PRMT8: variants seen among roughly 807,000 people sequenced by gnomAD.
PRMT8 encodes protein arginine N-methyltransferase 8.
PRMT8 carries 7 observed loss-of-function variants against 47.1 expected under a neutral mutation model. The ratio of observed to expected loss-of-function variants is 0.15; its 90% CI spans 0.08 to 0.28. PRMT8 has a LOEUF of 0.28. Among genes scored for constraint, PRMT8 ranks in the 10% least tolerant of loss-of-function variants. The probability of loss-of-function intolerance (pLI) is 1.00; values close to 1 mark genes in which losing one functional copy is unlikely to be tolerated. For synonymous variants in PRMT8, 188 were observed against 186.5 expected, an observed-to-expected ratio of 1.01 and a Z score of -0.07; for missense variants, 237 against 505.4, an observed-to-expected ratio of 0.47 and a Z score of 5.09.
chr12:3,444,470 C>T (rs899921671), intron 1 of PRMT8, among the ~76,000 whole-genome samples: 4 of 152,186 alleles, frequency 2.6e-5, no homozygotes, highest in Non-Finnish European at 4.4e-5. Flanking sequence ...AGCTTTCCTC[C>T]GAAGTCACCC....
intron 1 of PRMT8, among the ~76,000 whole-genome samples, chr12:3,451,410 T>A (rs564781051): frequency 2.0e-5 from 3 of 152,324 alleles, no homozygotes; most frequent in Admixed American, 6.5e-5. Context: ...TCCTGCTGTT[T>A]GCAAGCACTC....
intron 4 of PRMT8, among the ~76,000 whole-genome samples, chr12:3,567,944 A>G (rs558810650): frequency 6.6e-6 from 1 of 152,072 alleles, no homozygotes; most frequent in Non-Finnish European, 1.5e-5. Context: ...GTGGTGGCAC[A>G]TGCCTGTAAT....
intron 4 of PRMT8, among the ~76,000 whole-genome samples, chr12:3,568,072 C>CAAA (rs148436679): frequency 5.8e-5 from 6 of 102,778 alleles, no homozygotes; most frequent in African/African-American, 1.7e-4. Context: ...AACTCCGTCT[C>CAAA]AAAAAAAAAA....
At chr12:3,424,917 C>T (rs1403715801) in intron 1 of PRMT8, among the ~76,000 whole-genome samples, 1 of 152,196 alleles carries the variant, frequency 6.6e-6, no homozygotes, top group African/African-American at 2.4e-5. Flanking sequence ...TTTGGCCATG[C>T]GTGGACCAGT....
At position 3,593,302 on chromosome 12, in the gene PRMT8, C is replaced by T. The variant is rs971595964; in HGVS notation, c.*120C>T. 2.4e-6 allele frequency: 2 copies of T among 850,958 alleles called. No individual in the cohort carries two copies. Among genetic ancestry groups the T allele is most frequent in the African/African-American group, 3.4e-5 (2 of 58,362 alleles). 52.7% of individuals were successfully genotyped at this position (850,958 alleles called of 1,614,324 possible). ...TTGAAAACCAGAGTTTTCAACTCTG[C>T]CTTGAAGATTGGTGAACTCCCCAGG... On this transcript the variant is annotated 3_prime_UTR_variant, in exon 10 of 10. Transcript: ENST00000382622. The surrounding 1 kb of genome is among the most constrained non-coding windows in gnomAD (Gnocchi z 4.8).
chr12:3,553,787 A>G, intron 4 of PRMT8, 73 bp downstream of exon 4: 2 of 1,389,612 alleles, frequency 1.4e-6, no homozygotes, highest in South Asian at 2.3e-5. Context: ...TTGGGATGGC[A>G]TAGCGGGAGG....
chr12:3,476,445 T>G (rs894935301), intron 1 of PRMT8, among the ~76,000 whole-genome samples: 1 of 152,072 alleles, frequency 6.6e-6, no homozygotes, highest in Non-Finnish European at 1.5e-5. Flanking sequence ...ACATAAACAG[T>G]GAACCAGGGA....
Position 3,564,616 on chromosome 12 carries a change from G to C in PRMT8, c.482-4090G>C. Among the ~76,000 whole-genome samples the C allele has an allele frequency of 6.6e-6, 1 of 152,212 alleles. No homozygotes were observed. ...TCTGTAATTTACCAGCCAGAGTCCTGTCATAGTTCGTTGAACAAACTTTCC... is the reference window on the plus strand; with the variant it reads ...TCTGTAATTTACCAGCCAGAGTCCTCTCATAGTTCGTTGAACAAACTTTCC... On this transcript the variant is annotated intron_variant, in intron 4 of 9. Transcript: ENST00000382622. This position sits in a 1 kb window ranked among gnomAD's most constrained non-coding sequence, Gnocchi z 4.0.
At chr12:3,518,510 G>A (rs1036662060) in intron 1 of PRMT8, among the ~76,000 whole-genome samples, 3 of 151,914 alleles carry the variant, frequency 2.0e-5, no homozygotes, top group African/African-American at 4.8e-5. Flanking sequence ...AATGTCAATC[G>A]TGAATATTTT....
At chr12:3,418,863 A>G (rs190002700) in intron 1 of PRMT8, among the ~76,000 whole-genome samples, 81 of 152,314 alleles carry the variant, frequency 5.3e-4, no homozygotes, top group African/African-American at 1.9e-3. Context: ...ACAGGTGTGC[A>G]GAAATGGTGA....
chr12:3,459,956 G>A (rs889164897), intron 1 of PRMT8, among the ~76,000 whole-genome samples: 11 of 152,144 alleles, frequency 7.2e-5, no homozygotes, highest in African/African-American at 1.9e-4. Flanking sequence ...ATGCCATTAC[G>A]TTCACGTCAA....
At chr12:3,546,506 G>A (rs908039209) in intron 2 of PRMT8, among the ~76,000 whole-genome samples, 1 of 152,088 alleles carries the variant, frequency 6.6e-6, no homozygotes, top group African/African-American at 2.4e-5. Context: ...ACCTCCTGAC[G>A]ATCACACAGA....
At chr12:3,541,751 T>A (rs576532158) in intron 2 of PRMT8, among the ~76,000 whole-genome samples, 1 of 152,326 alleles carries the variant, frequency 6.6e-6, no homozygotes, top group East Asian at 1.9e-4. Context: ...GCCAGCTCTT[T>A]TGTTTGTTTG....
chr12:3,386,854 C>T (rs939973573), intron 1 of PRMT8, among the ~76,000 whole-genome samples: 2 of 152,120 alleles, frequency 1.3e-5, no homozygotes, highest in African/African-American at 2.4e-5. Flanking sequence ...AGATTACAGG[C>T]GCCTGCCACC....
Position 3,550,206 on chromosome 12 carries a change from A to T in PRMT8, c.417+115A>T. ...TTGGTCCATCTCTTTTGCTGGGGTCACACCTTCGAGGAGTAGAAGAAATCA... is the reference window on the plus strand; with the variant it reads ...TTGGTCCATCTCTTTTGCTGGGGTCTCACCTTCGAGGAGTAGAAGAAATCA... On this transcript the variant is annotated intron_variant, in intron 3 of 9. Transcript: ENST00000382622. This position sits in a 1 kb window ranked among gnomAD's most constrained non-coding sequence, Gnocchi z 5.1. 1 of 1,340,642 alleles carries T rather than the reference A, an allele frequency of 7.5e-7. No individual in the cohort carries two copies. Among genetic ancestry groups the T allele is most frequent in the Non-Finnish European group, 1.0e-6 (1 of 966,252 alleles). The allele number at this position is 1,340,642 out of a possible 1,614,324, so 83.0% of individuals were successfully genotyped here.
chr12:3,577,925 G>A (rs1866977797), intron 7 of PRMT8, among the ~76,000 whole-genome samples: 1 of 152,120 alleles, frequency 6.6e-6, no homozygotes, highest in Non-Finnish European at 1.5e-5. Context: ...AAAGGTGAAA[G>A]GTGCCCTCCG....
intron 2 of PRMT8, among the ~76,000 whole-genome samples, chr12:3,548,777 C>G (rs1866368967): frequency 6.6e-6 from 1 of 152,176 alleles, no homozygotes; most frequent in African/African-American, 2.4e-5. Flanking sequence ...TTGGCAATTT[C>G]TTATGAAGTT....
chr12:3,562,662 T>A (rs1248184459), intron 4 of PRMT8, among the ~76,000 whole-genome samples: 2 of 152,228 alleles, frequency 1.3e-5, no homozygotes, highest in African/African-American at 4.8e-5. Flanking sequence ...TGACATCATC[T>A]GTGTCGTTAG....
chr12:3,551,744 C>T (rs566812290), intron 3 of PRMT8: 1 of 152,310 alleles, frequency 6.6e-6, no homozygotes, highest in East Asian at 1.9e-4. Flanking sequence ...CTGTTCCAGA[C>T]CCCCTTCCAC....
Sources: allele counts gnomAD v4.1 joint callset (sites outside exome capture counted in the v4.1 genomes callset), GRCh38; gene constraint gnomAD v4.1.1; non-coding constraint Gnocchi (gnomAD v3.1); transcripts MANE v1.5; gene names NCBI Gene and HGNC (gene_info 2026-07-23, HGNC 2026-07-21).